The following ZSWIM5 variants were observed in gnomAD, a reference collection of about 807,000 sequenced individuals.
The protein encoded by ZSWIM5 is zinc finger SWIM-type containing 5.
A neutral mutation model predicts 119.6 loss-of-function variants in ZSWIM5; 55 were observed. That is an observed-to-expected ratio of 0.46 (90% CI 0.37 to 0.58). The LOEUF (loss-of-function observed/expected upper bound fraction) is 0.58, where lower values mean the gene tolerates loss of function less well. Ranked by LOEUF, ZSWIM5 falls within the 20% of genes least tolerant of loss-of-function variation. The probability of loss-of-function intolerance (pLI) is 0.00; values close to 1 mark genes in which losing one functional copy is unlikely to be tolerated. For synonymous variants in ZSWIM5, 537 were observed against 606.9 expected (o/e 0.88, Z 1.69); for missense variants, 1,193 against 1,512.8 (o/e 0.79, Z 3.51).
chr1:45,064,228 A>T lies in ZSWIM5; in HGVS notation c.953-3981T>A, dbSNP rs571278892. Among the ~76,000 whole-genome samples the T allele has an allele frequency of 3.3e-5, 5 of 152,318 alleles. No homozygotes were observed. In the South Asian group the frequency reaches 8.3e-4, roughly 25 times the overall value. On this transcript the variant is annotated intron_variant, in intron 2 of 13. Coordinates refer to ENST00000359600, the MANE Select transcript of ZSWIM5 (RefSeq NM_020883.2). Reference sequence around the variant, plus strand: ...GATATTCATTCACTTACTAATTAACATTCTACATAGTACTTTATTATTACG... The same window carrying T: ...GATATTCATTCACTTACTAATTAACTTTCTACATAGTACTTTATTATTACG...
chr1:45,039,600 G>A (rs927812421), intron 7 of ZSWIM5, among the ~76,000 whole-genome samples: 11 of 152,160 alleles, frequency 7.2e-5, no homozygotes, highest in African/African-American at 2.7e-4. Flanking sequence ...GGCCAGGCTG[G>A]TCTTGAACTC....
chr1:45,088,824 G>A lies in ZSWIM5; in HGVS notation c.596-587C>T, dbSNP rs1439701631. On this transcript the variant is annotated intron_variant, in intron 1 of 13. Coordinates refer to ENST00000359600, the MANE Select transcript of ZSWIM5 (RefSeq NM_020883.2). The surrounding 1 kb of genome is among the most constrained non-coding windows in gnomAD (Gnocchi z 4.2). ...CATGAAAGGCACAGCTAGGTGCAAT[G>A]AAACTATGTAGTGTTACACCTCTAC... Among the ~76,000 whole-genome samples, 1 of 152,110 alleles carries A rather than the reference G, an allele frequency of 6.6e-6. No individual in the cohort carries two copies. The highest frequency in any genetic ancestry group is 1.5e-5 in the Non-Finnish European group (1 of 68,022).
At chr1:45,055,513 G>C (rs573410289) in intron 4 of ZSWIM5, among the ~76,000 whole-genome samples, 2 of 152,262 alleles carry the variant, frequency 1.3e-5, no homozygotes, top group South Asian at 4.1e-4. Flanking sequence ...AAAATTAAGA[G>C]TTCTGTGATG....
chr1:45,119,340 C>A (rs1300208058), intron 1 of ZSWIM5, among the ~76,000 whole-genome samples: 1 of 152,146 alleles, frequency 6.6e-6, no homozygotes, highest in African/African-American at 2.4e-5. Context: ...TCATAGAAGT[C>A]TCTGTGAAAT....
At chr1:45,031,008 AG>A (rs1234000078) in intron 11 of ZSWIM5, among the ~76,000 whole-genome samples, 6 of 151,224 alleles carry the variant, frequency 4.0e-5, no homozygotes, top group African/African-American at 1.5e-4. Flanking sequence ...CATGTTGGCC[AG>A]CCTTGTCTCT....
intron 11 of ZSWIM5, among the ~76,000 whole-genome samples, chr1:45,021,848 C>T (rs934820704): frequency 5.3e-5 from 8 of 151,696 alleles, no homozygotes; most frequent in Admixed American, 2.0e-4. Context: ...GGTGAAACCC[C>T]GTCTCTACTA....
At chr1:45,026,347 T>G (rs1403209001) in intron 11 of ZSWIM5, among the ~76,000 whole-genome samples, 1 of 152,144 alleles carries the variant, frequency 6.6e-6, no homozygotes, top group South Asian at 2.1e-4. Context: ...TAATTGTAGG[T>G]TTTTTTGTAG....
At chr1:45,173,588 C>A (rs1195315027) in intron 1 of ZSWIM5, among the ~76,000 whole-genome samples, 1 of 152,080 alleles carries the variant, frequency 6.6e-6, no homozygotes, top group Non-Finnish European at 1.5e-5. Flanking sequence ...AGGAGCCGGG[C>A]TCTAACCCCA....
intron 1 of ZSWIM5, among the ~76,000 whole-genome samples, chr1:45,184,184 G>A (rs1646041914): frequency 6.6e-6 from 1 of 152,116 alleles, no homozygotes; most frequent in Non-Finnish European, 1.5e-5. Context: ...AAAGGCCTTT[G>A]ACAAAATTCA....
chr1:45,194,301 A>AAAAGAT (rs1277368857), intron 1 of ZSWIM5, among the ~76,000 whole-genome samples: 3 of 152,196 alleles, frequency 2.0e-5, no homozygotes, highest in Non-Finnish European at 4.4e-5. Context: ...CTCACAGACC[A>AAAAGAT]AAAGATAATG....
intron 1 of ZSWIM5, among the ~76,000 whole-genome samples, chr1:45,164,923 C>T (rs922041881): frequency 6.6e-6 from 1 of 152,100 alleles, no homozygotes; most frequent in Non-Finnish European, 1.5e-5. Context: ...AGAAAGTTAA[C>T]AAGGTTACCC....
intron 2 of ZSWIM5, among the ~76,000 whole-genome samples, chr1:45,078,107 G>A (rs1357432055): frequency 6.6e-6 from 1 of 152,208 alleles, no homozygotes; most frequent in Non-Finnish European, 1.5e-5. Flanking sequence ...GAAAGCACAA[G>A]GGTATTGATT....
rs566826661 is a variant in ZSWIM5, at chr1:45,039,231, A to G, written c.1757-158T>C. On this transcript the variant is annotated intron_variant, in intron 7 of 13. Transcript: ENST00000359600. ...TGGGTTGATACGGCTGGCCACAAAC[A>G]TACCAGCCAGCTATAAGGTCACGTG... Among the ~76,000 whole-genome samples, 8 of 152,280 alleles carry G rather than the reference A, an allele frequency of 5.3e-5. No homozygotes were observed. The South Asian group carries it at 8.3e-4, about 16-fold the overall frequency.
At chr1:45,122,162 G>T (rs1210755032) in intron 1 of ZSWIM5, among the ~76,000 whole-genome samples, 1 of 152,164 alleles carries the variant, frequency 6.6e-6, no homozygotes, top group East Asian at 1.9e-4. Flanking sequence ...GTATTATCAA[G>T]TGTTAAAGAA....
rs2148985135 is a variant in ZSWIM5, at chr1:45,017,691, C to T, written c.*763G>A. 1 of 152,372 alleles carries T rather than the reference C, an allele frequency of 6.6e-6. No homozygotes were observed. The highest frequency in any genetic ancestry group is 2.4e-5 in the African/African-American group (1 of 41,584). The allele number at this position is 152,372 out of a possible 1,614,324, so 9.4% of individuals were successfully genotyped here. A position where few individuals can be genotyped will look rare whatever the true frequency, so the allele number is the denominator to read the frequency against. ...CCCAGACCTTCATCTTCTCCCTGCA[C>T]TTGTTTCTCAGGTGTTCAGCAGGCT... On this transcript the variant is annotated 3_prime_UTR_variant, in exon 14 of 14. Coordinates refer to ENST00000359600, the MANE Select transcript of ZSWIM5 (RefSeq NM_020883.2).
At chr1:45,089,793 T>C (rs1033299674) in intron 1 of ZSWIM5, among the ~76,000 whole-genome samples, 1 of 152,024 alleles carries the variant, frequency 6.6e-6, no homozygotes. Context: ...GGCAACACAG[T>C]GAGACCCTGT....
rs200763126 is a variant in ZSWIM5 at position 45,058,572 on chromosome 1, G to A, written c.1252+37C>T. 6.7e-5 allele frequency: 108 copies of A among 1,612,778 alleles called. No individual in the cohort carries two copies. The African/African-American group carries it at 1.1e-3, about 16-fold the overall frequency. On this transcript the variant is annotated intron_variant, in intron 4 of 13. Coordinates refer to ENST00000359600, the MANE Select transcript of ZSWIM5 (RefSeq NM_020883.2). The stretch of plus-strand genomic sequence containing the variant: ...AACACTGTTGCCACAGGGCAAGATG[G>A]TAGAACAAAGCACTTCTCTGAATGA...
rs1405632651 is a variant in ZSWIM5 at position 45,043,325 on chromosome 1, A to G, written c.1503T>C (p.Asp501=). The change falls in exon 6 of 14, where the codon GAT becomes GAC. Residue 501 remains aspartate (D), a synonymous_variant. Transcript: ENST00000359600. ...AIEGRELHWQ[D]SHLQRIISSD... ...TGCTGATTATTCGCTGTAGGTGGCT[A>G]TCCTGCCAATGTAATTCACGCCCCT... The G allele has an allele frequency of 6.2e-7, 1 of 1,614,204 alleles. No homozygotes were observed. Among genetic ancestry groups the G allele is most frequent in the East Asian group, 2.2e-5 (1 of 44,886 alleles).
At chr1:45,117,230 A>T (rs1479646682) in intron 1 of ZSWIM5, among the ~76,000 whole-genome samples, 1 of 152,228 alleles carries the variant, frequency 6.6e-6, no homozygotes, top group African/African-American at 2.4e-5. Flanking sequence ...CTGAAGATGA[A>T]AATGTAGCAA....
Sources: gnomAD v4.1 joint callset for allele counts (sites outside exome capture counted in the v4.1 genomes callset) on GRCh38, gnomAD v4.1.1 for gene constraint, Gnocchi (gnomAD v3.1) non-coding constraint, MANE v1.5 for transcripts, NCBI Gene and HGNC (gene_info 2026-07-23, HGNC 2026-07-21) for gene names.